Variants in KATNIP observed in about 807,000 individuals in gnomAD.
The protein encoded by KATNIP is katanin-interacting protein.
KATNIP carries 126 observed loss-of-function variants against 174.0 expected under a neutral mutation model. The observed-to-expected ratio is 0.72, with a 90% CI of 0.63 to 0.84. The LOEUF is 0.84. KATNIP is among the 40% of genes least tolerant of loss of function. The probability of loss-of-function intolerance (pLI) is 0.00; values close to 1 mark genes in which losing one functional copy is unlikely to be tolerated. For synonymous variants in KATNIP, 810 were observed against 835.7 expected (o/e 0.97, Z 0.53); for missense variants, 1,958 against 2,109.7 (o/e 0.93, Z 1.41).
rs746111051 is a variant in KATNIP at position 27,749,761 on chromosome 16, G to A, written c.2801G>A (p.Arg934Gln). The A allele has an allele frequency of 1.8e-5, 29 of 1,610,682 alleles. No homozygotes were observed. Among genetic ancestry groups the A allele is most frequent in the East Asian group, 1.1e-4 (5 of 44,858 alleles). ...GAGCTCCTGCAGCAAAAGAGCAGCCGGCACAGCGACTTGCCCCCCTCCAAG... is the reference window on the plus strand; with the variant it reads ...GAGCTCCTGCAGCAAAAGAGCAGCCAGCACAGCGACTTGCCCCCCTCCAAG... ...LDELLQQKSS[R>Q]HSDLPPSKKG... Residue 934 changes from arginine to glutamine, a missense_variant, in exon 16 of 28, where the codon CGG becomes CAG. Arg to Gln is a conservative substitution (Grantham distance 43). Coordinates refer to ENST00000261588, the MANE Select transcript of KATNIP (RefSeq NM_015202.5).
chr16:27,662,161 T>A (rs1048636522), intron 6 of KATNIP, among the ~76,000 whole-genome samples: 61 of 145,916 alleles, frequency 4.2e-4, no homozygotes, highest in African/African-American at 1.6e-3. Flanking sequence ...CTTGAACTCC[T>A]GAGCTCAAGC....
intron 2 of KATNIP, among the ~76,000 whole-genome samples, chr16:27,599,473 T>C (rs1394550771): frequency 6.6e-6 from 1 of 152,086 alleles, no homozygotes; most frequent in Non-Finnish European, 1.5e-5. Context: ...TCAGACCTGC[T>C]CTCCCTCCAG....
rs770629496 is a variant in KATNIP at position 27,777,941 on chromosome 16, G to T, written c.4773G>T (p.Ala1591=). ...MMNENQIITN[A]KRKQSVVDPA... ...ATGAAAACCAAATCATTACCAACGC[G>T]AAACGGAAGCAGAGCGTTGTTGACC... Residue 1591 remains alanine, a synonymous_variant, in exon 27 of 28, where the codon GCG becomes GCT. Coordinates refer to ENST00000261588, the MANE Select transcript of KATNIP (RefSeq NM_015202.5). This position sits in a 1 kb window ranked among gnomAD's most constrained non-coding sequence, Gnocchi z 4.4. The T allele has an allele frequency of 1.9e-6, 3 of 1,614,114 alleles. No homozygotes were observed. The highest frequency in any genetic ancestry group is 2.2e-5 in the South Asian group (2 of 91,082).
chr16:27,769,131 T>C (rs972418575), intron 20 of KATNIP, among the ~76,000 whole-genome samples: 1 of 152,232 alleles, frequency 6.6e-6, no homozygotes, highest in African/African-American at 2.4e-5. Flanking sequence ...CAAATCCACG[T>C]GAATCCTGCA....
intron 6 of KATNIP, among the ~76,000 whole-genome samples, chr16:27,658,265 G>A (rs148829453): frequency 1.5e-4 from 23 of 152,256 alleles, no homozygotes; most frequent in Non-Finnish European, 1.3e-4. Context: ...TCTCAAAGTT[G>A]GATATGCATA....
intron 2 of KATNIP, among the ~76,000 whole-genome samples, chr16:27,606,811 C>T (rs1274342007): frequency 1.3e-5 from 2 of 151,970 alleles, no homozygotes; most frequent in Non-Finnish European, 2.9e-5. Context: ...AGCGATCCTC[C>T]CACCTCAGCC....
At position 27,680,840 on chromosome 16, in the gene KATNIP, G is replaced by A. The variant is rs187479018; in HGVS notation, c.809-559G>A. ...CTTCCAAGTAGCTGGGATTACAGGT[G>A]CTTGCCACCGTACACAGCTAATTTT... On this transcript the variant is annotated intron_variant, in intron 7 of 27. Transcript: ENST00000261588. 5.4e-3 allele frequency among the ~76,000 whole-genome samples: 819 copies of A among 152,292 alleles called. 13 individuals carry two copies. The highest frequency in any genetic ancestry group is 0.019 in the African/African-American group (785 of 41,568).
At chr16:27,632,665 G>T (rs1597002940) in intron 5 of KATNIP, 1 of 455,746 alleles carries the variant, frequency 2.2e-6, no homozygotes, top group East Asian at 7.0e-5. Flanking sequence ...AGAAGGGAGG[G>T]GCAGCAGGCA....
chr16:27,628,805 T>C lies in KATNIP; in HGVS notation c.285T>C (p.Ser95=). 1.2e-6 allele frequency: 2 copies of C among 1,614,170 alleles called. No homozygotes were observed. The highest frequency in any genetic ancestry group is 1.6e-4 in the Middle Eastern group (1 of 6,062). ...RKAIHSDFSR[S]ASHTEGTHDY... ...CTATTCACTCTGACTTCTCCAGAAG[T>C]GCCTCCCACACGGAGGGGACACACG... The change falls in exon 4 of 28, where the codon AGT becomes AGC. Residue 95 remains serine (S), a synonymous_variant. Transcript: ENST00000261588.
intron 15 of KATNIP, among the ~76,000 whole-genome samples, chr16:27,749,295 G>A (rs564033055): frequency 6.6e-5 from 10 of 152,282 alleles, no homozygotes; most frequent in African/African-American, 1.4e-4. Context: ...TTATTTTACC[G>A]ACCTGAATGG....
intron 13 of KATNIP, chr16:27,718,575 C>T (rs2080065944): frequency 6.6e-6 from 1 of 152,290 alleles, no homozygotes; most frequent in Non-Finnish European, 1.5e-5. Flanking sequence ...TGTTATTCCT[C>T]CTGCTGACAG....
chr16:27,750,131 C>G lies in KATNIP; in HGVS notation c.3171C>G (p.Ser1057=), dbSNP rs755337744. The change falls in exon 16 of 28, where the codon TCC becomes TCG. Residue 1057 remains serine, a synonymous_variant. Coordinates refer to ENST00000261588, the MANE Select transcript of KATNIP (RefSeq NM_015202.5). The part of the protein sequence containing the change: ...VWLAPFTRGR[S]HSITIDFTHP... ...TGGCCCCCTTCACGCGGGGCAGATC[C>G]CACTCCATCACCATTGACTTCACGC... 5 of 1,614,138 alleles carry G rather than the reference C, an allele frequency of 3.1e-6. No individual in the cohort carries two copies. In the South Asian group the frequency reaches 5.5e-5, roughly 18 times the overall value.
chr16:27,629,633 T>C (rs929372992), intron 4 of KATNIP, among the ~76,000 whole-genome samples: 2 of 152,146 alleles, frequency 1.3e-5, no homozygotes, highest in Non-Finnish European at 2.9e-5. Context: ...GATTGGGCAG[T>C]TGAATGAATG....
intron 8 of KATNIP, among the ~76,000 whole-genome samples, chr16:27,698,083 A>C (rs547787100): frequency 6.6e-6 from 1 of 152,140 alleles, no homozygotes; most frequent in Non-Finnish European, 1.5e-5. Context: ...TTGCCACAAT[A>C]ATGTTCTTTA....
chr16:27,719,422 G>A (rs1170181608), intron 13 of KATNIP, among the ~76,000 whole-genome samples: 1 of 152,170 alleles, frequency 6.6e-6, no homozygotes, highest in Non-Finnish European at 1.5e-5. Context: ...ACCCAGGCTG[G>A]AGTGCAGTGG....
chr16:27,756,279 A>G (rs1435757721), intron 18 of KATNIP, among the ~76,000 whole-genome samples: 1 of 152,152 alleles, frequency 6.6e-6, no homozygotes, highest in Admixed American at 6.5e-5. Flanking sequence ...TCCAGGGCGC[A>G]CTCTCAATTA....
intron 8 of KATNIP, among the ~76,000 whole-genome samples, chr16:27,695,596 C>A (rs2078885439): frequency 6.6e-6 from 1 of 152,200 alleles, no homozygotes; most frequent in African/African-American, 2.4e-5. Context: ...TTTATTATTT[C>A]TCCAGCTTAT....
intron 21 of KATNIP, 135 bp downstream of exon 21, chr16:27,770,153 T>C (rs1215556602): frequency 2.3e-5 from 25 of 1,077,316 alleles, no homozygotes; most frequent in Non-Finnish European, 3.3e-5. Flanking sequence ...TTAGTCATTT[T>C]CTAAAGCTCA....
At chr16:27,733,837 G>A (rs182205110) in intron 14 of KATNIP, among the ~76,000 whole-genome samples, 217 of 152,288 alleles carry the variant, frequency 1.4e-3, no homozygotes, top group Non-Finnish European at 2.4e-3. Flanking sequence ...GGGGCGCAGA[G>A]GAATCCAGAC....
Sources: gnomAD v4.1 joint callset for allele counts (sites outside exome capture counted in the v4.1 genomes callset) on GRCh38, gnomAD v4.1.1 for gene constraint, Gnocchi (gnomAD v3.1) non-coding constraint, MANE v1.5 for transcripts, NCBI Gene and HGNC (gene_info 2026-07-23, HGNC 2026-07-21) for gene names.